Variants in UTRN observed in about 807,000 individuals in gnomAD.
UTRN encodes utrophin.
UTRN carries 283 observed loss-of-function variants against 463.9 expected under a neutral mutation model. That is an observed-to-expected ratio of 0.61 (90% CI 0.55 to 0.67). The LOEUF (loss-of-function observed/expected upper bound fraction) is 0.67. UTRN is among the 30% of genes least tolerant of loss of function. The probability of loss-of-function intolerance (pLI) is 0.00; values close to 1 mark genes in which losing one functional copy is unlikely to be tolerated. For synonymous variants in UTRN, 1,442 were observed against 1,431.5 expected, an observed-to-expected ratio of 1.01 and a Z score of -0.17; for missense variants, 3,922 against 4,084.3, an observed-to-expected ratio of 0.96 and a Z score of 1.08.
intron 2 of UTRN, among the ~76,000 whole-genome samples, chr6:144,364,389 A>G (rs926159361): frequency 1.3e-5 from 2 of 152,114 alleles, no homozygotes; most frequent in Non-Finnish European, 2.9e-5. Context: ...GATTTGGGTC[A>G]AATGTCCTTT....
chr6:144,433,820 G>A (rs1374878376), intron 9 of UTRN, among the ~76,000 whole-genome samples: 1 of 151,744 alleles, frequency 6.6e-6, no homozygotes, highest in Non-Finnish European at 1.5e-5. Context: ...CTTCCTAGAT[G>A]GGATGGCGGC....
chr6:144,802,617 CTTTA>C (rs2128747112), intron 64 of UTRN, among the ~76,000 whole-genome samples: 1 of 152,204 alleles, frequency 6.6e-6, no homozygotes, highest in African/African-American at 2.4e-5. Context: ...GTGATCAAGG[CTTTA>C]TTTAGTTTTT....
chr6:144,466,893 C>G (rs1001944229), intron 23 of UTRN, among the ~76,000 whole-genome samples: 3 of 152,156 alleles, frequency 2.0e-5, no homozygotes, highest in African/African-American at 7.2e-5. Flanking sequence ...TCCTCCAGGC[C>G]CTTCCTTCTG....
In UTRN at chr6:144,511,040, A is replaced by G. The variant is rs374639650; in HGVS notation, c.4861A>G (p.Ile1621Val). ...AAACTTGATTGAGGGCAGTGAGCCT[A>G]TTTTAGAAGAGAGGCTCTGCGTCCT... ...LQNLIEGSEPILEERLCVLNA... is the reference protein window; with the variant it reads ...LQNLIEGSEPVLEERLCVLNA... The change falls in exon 35 of 75, where the codon ATT becomes GTT. Residue 1621 changes from isoleucine to valine, a missense_variant. By Grantham distance (29) the Ile-to-Val change is conservative. Transcript: ENST00000367545. 3.7e-6 allele frequency: 6 copies of G among 1,613,122 alleles called. No homozygotes were observed. The highest frequency in any genetic ancestry group is 1.3e-5 in the African/African-American group (1 of 74,874).
At position 144,458,789 on chromosome 6, in the gene UTRN, A is replaced by G. The variant is rs1471867867; in HGVS notation, c.2304A>G (p.Glu768=). Residue 768 remains glutamate (E), a synonymous_variant, in exon 20 of 75, where the codon GAA becomes GAG. Coordinates refer to ENST00000367545, the MANE Select transcript of UTRN (RefSeq NM_007124.3). ...QMGKEGLPTE[E]IKNVLEKVSS... ...GCATAGAAGGCCTTCCTACTGAAGAAATAAAAAATGTTCTGGAGAAGGTTT... is the reference window on the plus strand; with the variant it reads ...GCATAGAAGGCCTTCCTACTGAAGAGATAAAAAATGTTCTGGAGAAGGTTT... The G allele has an allele frequency of 6.2e-7, 1 of 1,601,086 alleles. No individual in the cohort carries two copies.
intron 2 of UTRN, among the ~76,000 whole-genome samples, chr6:144,317,822 T>G (rs1192462075): frequency 6.6e-6 from 1 of 152,236 alleles, no homozygotes; most frequent in Admixed American, 6.5e-5. Flanking sequence ...AACCCTTTGA[T>G]AGTTGATCAT....
At chr6:144,700,739 G>GTTT (rs564541879) in intron 53 of UTRN, among the ~76,000 whole-genome samples, 4 of 137,178 alleles carry the variant, frequency 2.9e-5, no homozygotes. Context: ...AACTAACTTT[G>GTTT]TTTTTTTTTT....
chr6:144,667,451 G>A (rs1177250825), intron 51 of UTRN, among the ~76,000 whole-genome samples: 1 of 152,140 alleles, frequency 6.6e-6, no homozygotes, highest in Non-Finnish European at 1.5e-5. Context: ...GATTTTAGGT[G>A]TGGTTCATCG....
At chr6:144,337,463 T>C (rs1384993331) in intron 2 of UTRN, among the ~76,000 whole-genome samples, 1 of 152,262 alleles carries the variant, frequency 6.6e-6, no homozygotes, top group Non-Finnish European at 1.5e-5. Flanking sequence ...AGGAGTTTTC[T>C]TTTTAATTCA....
intron 17 of UTRN, among the ~76,000 whole-genome samples, chr6:144,450,663 A>G (rs1788184045): frequency 6.6e-6 from 1 of 152,218 alleles, no homozygotes; most frequent in Non-Finnish European, 1.5e-5. Flanking sequence ...ACATTTAGTA[A>G]GGCTCAATCA....
intron 35 of UTRN, among the ~76,000 whole-genome samples, chr6:144,513,238 A>T (rs2128591427): frequency 6.6e-6 from 1 of 152,316 alleles, no homozygotes; most frequent in South Asian, 2.1e-4. Context: ...CATTTTAAAA[A>T]ATTATTCCTT....
At chr6:144,436,825 T>C (rs965438254) in intron 10 of UTRN, among the ~76,000 whole-genome samples, 26 of 144,434 alleles carry the variant, frequency 1.8e-4, no homozygotes, top group African/African-American at 6.3e-4. Context: ...AAAATAAATA[T>C]ATATTTTATT....
intron 50 of UTRN, among the ~76,000 whole-genome samples, chr6:144,573,026 A>C (rs1292102713): frequency 6.6e-6 from 1 of 152,204 alleles, no homozygotes; most frequent in East Asian, 1.9e-4. Context: ...GTGTAAAAGC[A>C]TTCCTATTTC....
intron 69 of UTRN, among the ~76,000 whole-genome samples, chr6:144,834,732 G>T (rs1242524948): frequency 6.6e-6 from 1 of 152,176 alleles, no homozygotes; most frequent in African/African-American, 2.4e-5. Flanking sequence ...GCAACAGGAT[G>T]CTGTCTGACT....
intron 51 of UTRN, among the ~76,000 whole-genome samples, chr6:144,644,876 A>G (rs4617011): frequency 0.02 from 3,119 of 152,284 alleles, 92 homozygotes; most frequent in African/African-American, 0.066. Context: ...ATTCCTCAGA[A>G]CCATAGTATT....
intron 2 of UTRN, among the ~76,000 whole-genome samples, chr6:144,348,028 G>C (rs1417859051): frequency 1.3e-5 from 2 of 151,858 alleles, no homozygotes; most frequent in Non-Finnish European, 2.9e-5. Context: ...TAGTTTTTCT[G>C]TAGAGATGGG....
rs573514814 is a variant in UTRN at position 144,434,729 on chromosome 6, G to C, written c.856-1206G>C. ...AAAAGAGCCTAGAACTTAATTTTGA[G>C]GAGATTCATTACTTATGAGTCAGCA... On this transcript the variant is annotated intron_variant, in intron 9 of 74. Coordinates refer to ENST00000367545, the MANE Select transcript of UTRN (RefSeq NM_007124.3). Among the ~76,000 whole-genome samples, 43 of 152,260 alleles carry C rather than the reference G, an allele frequency of 2.8e-4. No homozygotes were observed. The Middle Eastern group carries it at 0.014, about 48-fold the overall frequency.
At chr6:144,360,401 G>A (rs1316720787) in intron 2 of UTRN, among the ~76,000 whole-genome samples, 1 of 152,050 alleles carries the variant, frequency 6.6e-6, no homozygotes, top group African/African-American at 2.4e-5. Flanking sequence ...TCAAACTCCT[G>A]ACCTCAAGTG....
intron 2 of UTRN, among the ~76,000 whole-genome samples, chr6:144,349,454 C>T (rs1292171240): frequency 6.6e-6 from 1 of 152,040 alleles, no homozygotes; most frequent in African/African-American, 2.4e-5. Flanking sequence ...GAGGATGCCC[C>T]GGGAGAGTGT....
Sources: gnomAD v4.1 joint callset for allele counts (sites outside exome capture counted in the v4.1 genomes callset) on GRCh38, gnomAD v4.1.1 for gene constraint, MANE v1.5 for transcripts, NCBI Gene and HGNC (gene_info 2026-07-23, HGNC 2026-07-21) for gene names.